The following ZNF609 variants were observed in gnomAD, a reference collection of about 807,000 sequenced individuals.
The protein encoded by ZNF609 is zinc finger protein 609.
A neutral mutation model predicts 109.5 loss-of-function variants in ZNF609; 11 were observed. The observed-to-expected ratio is 0.10, with a 90% CI of 0.06 to 0.17. The LOEUF is 0.17. Among genes scored for constraint, ZNF609 ranks in the 10% least tolerant of loss-of-function variants. ZNF609 has a pLI of 1.00. For missense variants in ZNF609, 1,559 were observed against 1,772.4 expected (o/e 0.88, Z 2.16); for synonymous variants, 646 against 662.0 (o/e 0.98, Z 0.37).
chr15:64,598,841 A>G (rs997681013), intron 2 of ZNF609, among the ~76,000 whole-genome samples: 3 of 145,424 alleles, frequency 2.1e-5, no homozygotes, highest in Non-Finnish European at 3.0e-5. Context: ...ACAAAAGAAC[A>G]TGTGCATTTT....
chr15:64,481,575 C>T (rs1252200923), intron 1 of ZNF609, among the ~76,000 whole-genome samples: 3 of 151,716 alleles, frequency 2.0e-5, no homozygotes, highest in Non-Finnish European at 4.4e-5. Flanking sequence ...CTGCCTCGGC[C>T]TCCCAAAGTG....
chr15:64,621,854 T>A (rs1275303269), intron 2 of ZNF609, among the ~76,000 whole-genome samples: 1 of 151,506 alleles, frequency 6.6e-6, no homozygotes, highest in Non-Finnish European at 1.5e-5. Context: ...GCCTCCTGGA[T>A]AGCTGGGATT....
intron 2 of ZNF609, among the ~76,000 whole-genome samples, chr15:64,614,365 G>A (rs192545981): frequency 6.6e-6 from 1 of 152,004 alleles, no homozygotes; most frequent in African/African-American, 2.4e-5. Context: ...GACTAGCTGG[G>A]AATACAGGCG....
chr15:64,502,079 G>A (rs531082191), intron 2 of ZNF609: 1 of 152,318 alleles, frequency 6.6e-6, no homozygotes, highest in African/African-American at 2.4e-5. Flanking sequence ...TGAGAATGGG[G>A]CAGCAGAATG....
intron 1 of ZNF609, among the ~76,000 whole-genome samples, chr15:64,492,689 G>C (rs1751596818): frequency 6.6e-6 from 1 of 152,100 alleles, no homozygotes; most frequent in Non-Finnish European, 1.5e-5. Flanking sequence ...GCTTTGACTT[G>C]TCTTACATTT....
intron 2 of ZNF609, among the ~76,000 whole-genome samples, chr15:64,595,896 A>C (rs558513995): frequency 6.6e-6 from 1 of 152,342 alleles, no homozygotes; most frequent in Admixed American, 6.5e-5. Flanking sequence ...TGCTATTGAC[A>C]GAAAACTGAC....
At chr15:64,495,214 A>C (rs1893466317) in intron 1 of ZNF609, among the ~76,000 whole-genome samples, 1 of 152,218 alleles carries the variant, frequency 6.6e-6, no homozygotes, top group Admixed American at 6.5e-5. Context: ...CTTATTGTTA[A>C]GGCTTTTTGA....
chr15:64,577,376 CACATAT>C lies in ZNF609; in HGVS notation c.748-45449_748-45444del, dbSNP rs1404295832. On this transcript the variant is annotated intron_variant, in intron 2 of 9. Coordinates refer to ENST00000326648, the MANE Select transcript of ZNF609 (RefSeq NM_015042.2). ...ATATACACATATATGTATATATATA[CACATAT>C]AAATATATACACATATATGTATATA... Among the ~76,000 whole-genome samples, 18 of 14,028 alleles carry C rather than the reference CACATAT, an allele frequency of 1.3e-3. 6 individuals are homozygous for C. Among genetic ancestry groups the C allele is most frequent in the Non-Finnish European group, 2.5e-3 (8 of 3,144 alleles). The allele number at this position is 14,028 out of a possible 152,430, so 9.2% of individuals were successfully genotyped here.
intron 2 of ZNF609, chr15:64,500,493 G>A (rs961161501): frequency 8.1e-6 from 5 of 620,702 alleles, no homozygotes; most frequent in Middle Eastern, 2.6e-4. Flanking sequence ...GTAGAGATTG[G>A]CATCAGACCT....
In ZNF609 at chr15:64,676,206, G is replaced by T. The variant is rs1265087429; in HGVS notation, c.3352G>T (p.Ala1118Ser). 1.9e-6 allele frequency: 3 copies of T among 1,613,930 alleles called. No homozygotes were observed. In the East Asian group the frequency reaches 6.7e-5, roughly 36 times the overall value. The part of the protein sequence containing the change: ...SKEASEAKTG[A>S]ECGRQAEMDP... ...GGAGGCCTCTGAGGCCAAGACAGGT[G>T]CTGAGTGTGGTCGACAGGCAGAGAT... Residue 1118 changes from alanine to serine, a missense_variant, in exon 5 of 10, where the codon GCT (alanine) becomes TCT (serine). Physicochemically the swap from Ala to Ser is moderately conservative, Grantham distance 99. This residue lies in a region of ZNF609 where 1,204 missense variants were observed against 1,314.1 expected (regional missense o/e 0.92). Transcript: ENST00000326648.
rs545783193 is a variant in ZNF609 at position 64,595,001 on chromosome 15, CA to C, written c.748-27811del. Among the ~76,000 whole-genome samples the C allele has an allele frequency of 8.7e-3, 581 of 66,922 alleles. 2 individuals are homozygous for C. Among genetic ancestry groups the C allele is most frequent in the African/African-American group, 0.022 (428 of 19,426 alleles). 43.9% of individuals were successfully genotyped at this position (66,922 alleles called of 152,430 possible). ...TGGGCAACAGAGCGAGGCTCCGTCT[CA>C]AAAAAAAAAAAAAAGAAAAAAGAAA... On this transcript the variant is annotated intron_variant, in intron 2 of 9. Transcript: ENST00000326648.
chr15:64,474,394 G>A (rs1262787295), intron 1 of ZNF609, among the ~76,000 whole-genome samples: 3 of 151,320 alleles, frequency 2.0e-5, no homozygotes, highest in Admixed American at 6.6e-5. Flanking sequence ...TGTATTTTTA[G>A]TAGCGACGGG....
chr15:64,531,590 G>T (rs1174734813), intron 2 of ZNF609, among the ~76,000 whole-genome samples: 3 of 151,856 alleles, frequency 2.0e-5, no homozygotes, highest in Non-Finnish European at 4.4e-5. Flanking sequence ...GTGGAGACGG[G>T]GTCTCCCTAT....
chr15:64,518,568 T>G (rs1893847500), intron 2 of ZNF609, among the ~76,000 whole-genome samples: 1 of 152,124 alleles, frequency 6.6e-6, no homozygotes, highest in Non-Finnish European at 1.5e-5. Context: ...GATTTTTGAG[T>G]TTTTGAAGAA....
At chr15:64,482,555 T>A (rs909859037) in intron 1 of ZNF609, among the ~76,000 whole-genome samples, 2 of 152,184 alleles carry the variant, frequency 1.3e-5, no homozygotes, top group Non-Finnish European at 2.9e-5. Flanking sequence ...GGTGTAGATT[T>A]CAGATGTGGT....
intron 1 of ZNF609, among the ~76,000 whole-genome samples, chr15:64,463,699 G>C (rs1892974786): frequency 6.6e-6 from 1 of 152,206 alleles, no homozygotes; most frequent in Non-Finnish European, 1.5e-5. Flanking sequence ...TTGGGCCTTT[G>C]ATAGGAGGGA....
chr15:64,614,833 T>G (rs1174908200), intron 2 of ZNF609, among the ~76,000 whole-genome samples: 2 of 147,546 alleles, frequency 1.4e-5, no homozygotes, highest in African/African-American at 5.0e-5. Context: ...TTTTTTTTTT[T>G]TTTTAGGCAG....
At chr15:64,544,703 A>G (rs1234629889) in intron 2 of ZNF609, among the ~76,000 whole-genome samples, 1 of 152,216 alleles carries the variant, frequency 6.6e-6, no homozygotes, top group East Asian at 1.9e-4. Context: ...AGTTCTTTCA[A>G]CAGGAAAACC....
Position 64,678,266 on chromosome 15 carries a change from G to A in ZNF609, c.3553G>A (p.Glu1185Lys), listed in dbSNP as rs772398237. 1.2e-6 allele frequency: 2 copies of A among 1,614,184 alleles called. No individual in the cohort carries two copies. Among genetic ancestry groups the A allele is most frequent in the East Asian group, 4.5e-5 (2 of 44,884 alleles). Residue 1185 changes from glutamate to lysine, a missense_variant, in exon 6 of 10, where the codon GAA becomes AAA. Transcript: ENST00000326648. ...CTCTGTCCCCAAGGAAGATGGGAAG[G>A]AAAGCACAAGTAGTGACTGCAAGCT... Reference protein sequence around the residue: ...KDSVPKEDGKESTSSDCKLPT... With the variant: ...KDSVPKEDGKKSTSSDCKLPT...
Sources: gnomAD v4.1 joint callset for allele counts (sites outside exome capture counted in the v4.1 genomes callset) on GRCh38, gnomAD v4.1.1 for gene constraint, gnomAD v4.1.1 regional missense constraint, MANE v1.5 for transcripts, NCBI Gene and HGNC (gene_info 2026-07-23, HGNC 2026-07-21) for gene names.